Variants in PRRC2B observed in about 807,000 individuals in gnomAD.
PRRC2B encodes the protein proline rich coiled-coil 2B.
A neutral mutation model predicts 242.3 loss-of-function variants in PRRC2B; 68 were observed. The observed-to-expected ratio is 0.28, with a 90% CI of 0.23 to 0.34. PRRC2B has a LOEUF of 0.34. PRRC2B is among the 10% of genes least tolerant of loss of function. The probability of loss-of-function intolerance (pLI) is 1.00; values close to 1 mark genes in which losing one functional copy is unlikely to be tolerated. For missense variants in PRRC2B, 2,835 were observed against 2,954.8 expected (o/e 0.96, Z 0.94); for synonymous variants, 1,228 against 1,173.6 (o/e 1.05, Z -0.95).
chr9:131,455,959 A>G (rs1436793750), intron 10 of PRRC2B, among the ~76,000 whole-genome samples: 1 of 152,070 alleles, frequency 6.6e-6, no homozygotes, highest in Non-Finnish European at 1.5e-5. Flanking sequence ...CTAAAAGTAC[A>G]AAAATTAACC....
intron 1 of PRRC2B, among the ~76,000 whole-genome samples, chr9:131,418,254 C>T (rs1012709031): frequency 2.6e-4 from 39 of 152,242 alleles, no homozygotes; most frequent in African/African-American, 9.4e-4. Context: ...ACAGTAAGTG[C>T]AGGAGGTGAC....
At chr9:131,401,416 C>T (rs1312185796) in intron 1 of PRRC2B, among the ~76,000 whole-genome samples, 1 of 148,706 alleles carries the variant, frequency 6.7e-6, no homozygotes, top group Non-Finnish European at 1.5e-5. Context: ...TAGGGTCTCA[C>T]TGTCGCCCAG....
intron 1 of PRRC2B, among the ~76,000 whole-genome samples, chr9:131,420,493 C>CTTTCTTTTTTT: frequency 3.3e-5 from 1 of 30,164 alleles, no homozygotes; most frequent in Non-Finnish European, 6.4e-5. Context: ...TTCTTTCTTT[C>CTTTCTTTTTTT]TTTTTTTTTT....
intron 1 of PRRC2B, among the ~76,000 whole-genome samples, chr9:131,418,853 A>G (rs943947352): frequency 6.6e-6 from 1 of 152,234 alleles, no homozygotes; most frequent in African/African-American, 2.4e-5. Context: ...ATTCTTTTGA[A>G]ATGGGAAGTC....
At chr9:131,432,014 G>A (rs1056857433) in intron 2 of PRRC2B, among the ~76,000 whole-genome samples, 5 of 151,356 alleles carry the variant, frequency 3.3e-5, no homozygotes, top group Non-Finnish European at 5.9e-5. Flanking sequence ...GGCTGGTCTC[G>A]AACTCCTGGG....
chr9:131,434,789 C>T (rs186368360), intron 3 of PRRC2B, among the ~76,000 whole-genome samples: 1 of 152,178 alleles, frequency 6.6e-6, no homozygotes, highest in African/African-American at 2.4e-5. Context: ...CTACTGTGAC[C>T]GGAGCGCTGA....
chr9:131,437,296 GTC>G (rs1201850211), intron 4 of PRRC2B, among the ~76,000 whole-genome samples: 1 of 152,220 alleles, frequency 6.6e-6, no homozygotes, highest in African/African-American at 2.4e-5. Flanking sequence ...AGGGACTAAT[GTC>G]TCTCAGAACA....
upstream of PRRC2B, among the ~76,000 whole-genome samples, chr9:131,393,228 G>C (rs181491772): frequency 2.6e-5 from 4 of 152,352 alleles, no homozygotes; most frequent in Admixed American, 2.6e-4. Context: ...TTTAGCATAG[G>C]GCATGGCCCG....
At chr9:131,428,887 A>G (rs1222393263) in intron 1 of PRRC2B, among the ~76,000 whole-genome samples, 2 of 152,234 alleles carry the variant, frequency 1.3e-5, no homozygotes, top group Non-Finnish European at 1.5e-5. Flanking sequence ...GGTATGGAAT[A>G]AAAAGCAGTG....
intron 10 of PRRC2B, 148 bp from the exon 11 acceptor site, chr9:131,459,016 C>A: frequency 1.5e-6 from 1 of 656,422 alleles, no homozygotes. Flanking sequence ...CCGTGGAATT[C>A]ACATGGAAGT....
chr9:131,459,038 T>C, intron 10 of PRRC2B, 126 bp from the exon 11 acceptor site: 1 of 742,532 alleles, frequency 1.3e-6, no homozygotes, highest in Non-Finnish European at 2.2e-6. Context: ...GTGGGAGTGG[T>C]GGTCCATTCT....
chr9:131,413,591 C>A (rs1294283077), intron 1 of PRRC2B, among the ~76,000 whole-genome samples: 1 of 152,222 alleles, frequency 6.6e-6, no homozygotes, highest in Admixed American at 6.5e-5. Context: ...TGGTCTCAAA[C>A]TCCTGGCTTC....
Position 131,473,627 on chromosome 9 carries a change from G to A in PRRC2B, c.2227G>A (p.Val743Met). 6.2e-7 allele frequency: 1 copy of A among 1,613,776 alleles called. No homozygotes were observed. The highest frequency in any genetic ancestry group is 1.1e-5 in the South Asian group (1 of 91,054). ...RKVTPIDSPPVWSPEGYMALQ... is the reference protein window; with the variant it reads ...RKVTPIDSPPMWSPEGYMALQ... ...AGTGACCCCCATCGACTCACCCCCT[G>A]TGTGGAGCCCAGAGGGCTACATGGC... The change falls in exon 15 of 32, where the codon GTG (valine) becomes ATG (methionine). Residue 743 changes from valine (V) to methionine (M), a missense_variant. Physicochemically the swap from Val to Met is conservative, Grantham distance 21 (BLOSUM62 1). Transcript: ENST00000683519.
chr9:131,460,736 T>C (rs1174610000), intron 11 of PRRC2B, among the ~76,000 whole-genome samples: 1 of 152,220 alleles, frequency 6.6e-6, no homozygotes, highest in Non-Finnish European at 1.5e-5. Context: ...CCAGTGCGTG[T>C]CCTTTTTCCC....
chr9:131,448,173 T>C (rs551073986), intron 9 of PRRC2B: 158 of 166,504 alleles, frequency 9.5e-4, no homozygotes, highest in Non-Finnish European at 1.7e-3. Flanking sequence ...ATTTAATTTT[T>C]TTCCAAGAGA....
intron 11 of PRRC2B, among the ~76,000 whole-genome samples, chr9:131,462,169 A>G (rs141052980): frequency 2.5e-4 from 38 of 152,266 alleles, no homozygotes; most frequent in African/African-American, 8.9e-4. Context: ...GATGAAATCT[A>G]TATACTAAAT....
intron 1 of PRRC2B, among the ~76,000 whole-genome samples, chr9:131,415,126 TG>T (rs752499028): frequency 3.0e-4 from 46 of 152,260 alleles, no homozygotes; most frequent in Non-Finnish European, 1.3e-4. Flanking sequence ...CCTGAGTAGC[TG>T]GGACTACAGG....
At chr9:131,432,891 T>C (rs1838226222) in intron 3 of PRRC2B, 97 bp downstream of exon 3, 1 of 1,252,948 alleles carries the variant, frequency 8.0e-7, no homozygotes, top group Admixed American at 2.3e-5. Context: ...CTTTGGCTAC[T>C]GCAGCGCTAG....
chr9:131,442,799 C>T (rs1040724884), intron 5 of PRRC2B, among the ~76,000 whole-genome samples: 3 of 152,286 alleles, frequency 2.0e-5, no homozygotes, highest in South Asian at 4.1e-4. Flanking sequence ...GATCAAAAGA[C>T]GTGCCATTTT....
Sources: allele counts gnomAD v4.1 joint callset (sites outside exome capture counted in the v4.1 genomes callset), GRCh38; gene constraint gnomAD v4.1.1; transcripts MANE v1.5; gene names NCBI Gene and HGNC (gene_info 2026-07-23, HGNC 2026-07-21).